RMP64: variants seen among roughly 807,000 people sequenced by gnomAD.
RMP64 encodes nucleolus and neural progenitor protein.
At chr3:113,012,643 C>A in the RMP64 span, 2 of 778,318 alleles carry the variant, frequency 2.6e-6, no homozygotes, top group Non-Finnish European at 4.4e-6. Flanking sequence ...TCCATAACCC[C>A]ATAAGAAAAT....
chr3:113,011,432 A>G, the RMP64 span: 6 of 1,530,482 alleles, frequency 3.9e-6, no homozygotes, highest in East Asian at 1.4e-4. Context: ...GGAGCTCATT[A>G]ATTAGCCAGT....
the RMP64 span, among the ~76,000 whole-genome samples, chr3:113,007,580 T>C: frequency 6.6e-6 from 1 of 152,192 alleles, no homozygotes; most frequent in Non-Finnish European, 1.5e-5. Flanking sequence ...AATGTCTAAA[T>C]TCATGTAATA....
chr3:113,019,104 T>G, the RMP64 span: 3 of 182,958 alleles, frequency 1.6e-5, no homozygotes. Flanking sequence ...CCGAAAAGAT[T>G]GCAGTTTGAG....
the RMP64 span, chr3:113,005,327 T>C: frequency 3.6e-6 from 2 of 561,632 alleles, no homozygotes; most frequent in South Asian, 2.2e-5. Context: ...ACACCTGACA[T>C]GTAGTTGAAG....
chr3:113,010,849 G>T, the RMP64 span: 2 of 852,234 alleles, frequency 2.3e-6, no homozygotes, highest in Non-Finnish European at 3.6e-6. Context: ...AGCAACTACA[G>T]AAACAAATAA....
chr3:113,018,409 G>A, the RMP64 span, among the ~76,000 whole-genome samples: 1 of 152,168 alleles, frequency 6.6e-6, no homozygotes. Flanking sequence ...AGAGAAAGAG[G>A]GAAGATTAAT....
the RMP64 span, chr3:113,017,593 A>G: frequency 6.2e-7 from 1 of 1,614,078 alleles, no homozygotes; most frequent in African/African-American, 1.3e-5. Context: ...TACAGCTGCA[A>G]TGCAAAGGTC....
chr3:113,008,293 A>G, the RMP64 span: 1 of 1,614,176 alleles, frequency 6.2e-7, no homozygotes, highest in Non-Finnish European at 8.5e-7. Flanking sequence ...GGATTTCTTC[A>G]GAAAGTTGTG....
chr3:113,008,381 T>G, the RMP64 span: 2 of 1,613,434 alleles, frequency 1.2e-6, no homozygotes, highest in South Asian at 2.2e-5. Context: ...AGAAGAATAC[T>G]TGGTTGTCTT....
At chr3:113,005,759 A>G in the RMP64 span, 2 of 1,613,840 alleles carry the variant, frequency 1.2e-6, no homozygotes, top group African/African-American at 2.7e-5. Flanking sequence ...AGTTCTATGC[A>G]CAGTACAGTG....
At chr3:113,009,623 T>A in the RMP64 span, 1 of 152,220 alleles carries the variant, frequency 6.6e-6, no homozygotes, top group Non-Finnish European at 1.5e-5. Context: ...GAAACCATAC[T>A]GCCTGCATTC....
At chr3:113,017,419 G>A in the RMP64 span, 18 of 1,601,724 alleles carry the variant, frequency 1.1e-5, no homozygotes, top group Non-Finnish European at 1.5e-5. Context: ...AAGTGAACAG[G>A]TTGGGTCTCA....
the RMP64 span, among the ~76,000 whole-genome samples, chr3:113,016,122 A>G: frequency 3.9e-5 from 6 of 152,268 alleles, no homozygotes; most frequent in African/African-American, 1.4e-4. Context: ...TCTGAACGCA[A>G]GAGAGAAGCC....
At chr3:113,008,744 C>T in the RMP64 span, 1 of 227,058 alleles carries the variant, frequency 4.4e-6, no homozygotes, top group Non-Finnish European at 8.8e-6. Context: ...GAATTTTTCT[C>T]CACTGCTCCA....
At chr3:113,008,381 T>C in the RMP64 span, 2 of 1,613,316 alleles carry the variant, frequency 1.2e-6, no homozygotes, top group Admixed American at 1.7e-5. Flanking sequence ...AGAAGAATAC[T>C]TGGTTGTCTT....
At chr3:113,019,533 C>T in the RMP64 span, 1 of 1,606,050 alleles carries the variant, frequency 6.2e-7, no homozygotes. Flanking sequence ...CGCCCGGCGC[C>T]TCACTCACCA....
At chr3:113,005,747 T>C in the RMP64 span, 9 of 1,613,892 alleles carry the variant, frequency 5.6e-6, no homozygotes, top group Non-Finnish European at 6.8e-6. Flanking sequence ...AGGGTAGAGA[T>C]CAGTTCTATG....
chr3:113,014,095 AC>A, the RMP64 span: 2 of 994,574 alleles, frequency 2.0e-6, no homozygotes, highest in Non-Finnish European at 3.2e-6. Flanking sequence ...ACTGATTATG[AC>A]CAGGAAAGCA....
chr3:113,007,676 A>G, the RMP64 span, among the ~76,000 whole-genome samples: 4 of 152,168 alleles, frequency 2.6e-5, no homozygotes, highest in Non-Finnish European at 5.9e-5. Flanking sequence ...ATATAGATAG[A>G]GTCCAGCTGC....
Sources: gnomAD v4.1 joint callset for allele counts (sites outside exome capture counted in the v4.1 genomes callset) on GRCh38, gnomAD v4.1.1 for gene constraint, MANE v1.5 for transcripts, NCBI Gene and HGNC (gene_info 2026-07-23, HGNC 2026-07-21) for gene names.